Variants in UBR4 observed in about 807,000 individuals in gnomAD.
UBR4 encodes the protein E3 ubiquitin-protein ligase UBR4.
A neutral mutation model predicts 575.6 loss-of-function variants in UBR4; 124 were observed. The ratio of observed to expected loss-of-function variants is 0.22; its 90% CI spans 0.19 to 0.25. The LOEUF is 0.25. Among genes scored for constraint, UBR4 ranks in the 10% least tolerant of loss-of-function variants. The pLI, the probability that UBR4 is intolerant of heterozygous loss-of-function variation, is 1.00. For synonymous variants in UBR4, 2,455 were observed against 2,473.7 expected, an observed-to-expected ratio of 0.99 and a Z score of 0.22; for missense variants, 4,818 against 6,478.8, an observed-to-expected ratio of 0.74 and a Z score of 8.80.
At chr1:19,188,540 T>C (rs1444372350) in intron 11 of UBR4, among the ~76,000 whole-genome samples, 1 of 152,090 alleles carries the variant, frequency 6.6e-6, no homozygotes, top group Admixed American at 6.5e-5. Context: ...GGCGATAGAG[T>C]GAGGTTTTGT....
Position 19,197,223 on chromosome 1 carries a change from G to C in UBR4, c.936C>G (p.Thr312=). 2 of 1,614,100 alleles carry C rather than the reference G, an allele frequency of 1.2e-6. No individual in the cohort carries two copies. Among genetic ancestry groups the C allele is most frequent in the Non-Finnish European group, 1.7e-6 (2 of 1,180,020 alleles). ...LVIDVTMALD[T]LSLPVLEPLN... ...GAGGTTCCAACACAGGTAGAGAAAG[G>C]GTATCCAATGCCATAGTTACATCAA... Residue 312 remains threonine, a synonymous_variant, in exon 8 of 106, where the codon ACC becomes ACG. Transcript: ENST00000375254.
intron 26 of UBR4, among the ~76,000 whole-genome samples, chr1:19,170,425 G>A (rs1242532636): frequency 6.6e-6 from 1 of 152,156 alleles, no homozygotes; most frequent in East Asian, 1.9e-4. Context: ...GTGGGGAGGG[G>A]AGGGGAGGAG....
chr1:19,192,169 T>C lies in UBR4; in HGVS notation c.1394+19A>G. 1 of 1,600,708 alleles carries C rather than the reference T, an allele frequency of 6.2e-7. No individual in the cohort carries two copies. The highest frequency in any genetic ancestry group is 8.5e-7 in the Non-Finnish European group (1 of 1,174,636). On this transcript the variant is annotated intron_variant, in intron 11 of 105. Coordinates refer to ENST00000375254, the MANE Select transcript of UBR4 (RefSeq NM_020765.3). ...GCGAAATAAAACAAAATATAAGTTA[T>C]AATCAAGTAGACACATACCCTTTTC...
Position 19,112,958 on chromosome 1 carries a change from T to C in UBR4, c.11458-91A>G, listed in dbSNP as rs1000541703. 7.0e-6 allele frequency: 9 copies of C among 1,294,802 alleles called. No individual in the cohort carries two copies. The African/African-American group carries it at 1.3e-4, about 19-fold the overall frequency. 80.2% of individuals were successfully genotyped at this position (1,294,802 alleles called of 1,614,324 possible). A position where few individuals can be genotyped will look rare whatever the true frequency, so the allele number is the denominator to read the frequency against. On this transcript the variant is annotated intron_variant, in intron 77 of 105. Coordinates refer to ENST00000375254, the MANE Select transcript of UBR4 (RefSeq NM_020765.3). Reference sequence around the variant, plus strand: ...AAATTAGTTTTGCTTTAGAAAAAACTTTACATGCATTATATAACTTAATCT... The same window carrying C: ...AAATTAGTTTTGCTTTAGAAAAAACCTTACATGCATTATATAACTTAATCT...
intron 21 of UBR4, 86 bp from the exon 22 acceptor site, chr1:19,174,533 T>A: frequency 6.7e-7 from 1 of 1,502,152 alleles, no homozygotes; most frequent in Non-Finnish European, 8.9e-7. Context: ...ATCCTCATGA[T>A]TGACAAAATA....
intron 105 of UBR4, 136 bp from the exon 106 acceptor site, chr1:19,075,032 G>T: frequency 1.2e-6 from 1 of 856,370 alleles, no homozygotes; most frequent in Non-Finnish European, 1.9e-6. Context: ...CTGGACAGCA[G>T]CATGACCGGG....
At position 19,081,436 on chromosome 1, in the gene UBR4, TCAGGGGG is replaced by T; in HGVS notation, c.15139_15145del (p.Pro5047SerfsTer16). 1 of 1,613,928 alleles carries T rather than the reference TCAGGGGG, an allele frequency of 6.2e-7. No homozygotes were observed. The highest frequency in any genetic ancestry group is 8.5e-7 in the Non-Finnish European group (1 of 1,179,996). The stretch of plus-strand genomic sequence containing the variant: ...TTCCACACGTGTGGCTCTCCACTGC[TCAGGGGG>T]CAGGATGTGAAGGGCCAAGACTGTG... On this transcript the variant is annotated frameshift_variant, in exon 103 of 106. Transcript: ENST00000375254. LOFTEE classifies it high-confidence loss of function.
chr1:19,153,694 G>T lies in UBR4; in HGVS notation c.6630+74C>A, dbSNP rs1355757045. On this transcript the variant is annotated intron_variant, in intron 45 of 105. Coordinates refer to ENST00000375254, the MANE Select transcript of UBR4 (RefSeq NM_020765.3). This position sits in a 1 kb window ranked among gnomAD's most constrained non-coding sequence, Gnocchi z 4.1. ...GGCCTCCATTGAAAGAGCTGGGAAA[G>T]TGAAATGAATATACAAACATAAAAA... is the stretch of plus-strand genomic sequence containing the variant. 1 of 1,541,640 alleles carries T rather than the reference G, an allele frequency of 6.5e-7. No homozygotes were observed. The highest frequency in any genetic ancestry group is 8.7e-7 in the Non-Finnish European group (1 of 1,145,522).
At position 19,093,380 on chromosome 1, in the gene UBR4, T is replaced by C; in HGVS notation, c.14044A>G (p.Ile4682Val). 1 of 1,614,224 alleles carries C rather than the reference T, an allele frequency of 6.2e-7. No homozygotes were observed. The highest frequency in any genetic ancestry group is 8.5e-7 in the Non-Finnish European group (1 of 1,180,040). The change falls in exon 96 of 106, where the codon ATT (isoleucine) becomes GTT (valine). Residue 4682 changes from isoleucine to valine, a missense_variant. Around this residue, in one of 29 missense-constraint regions of UBR4, gnomAD observed 165 missense variants for 282.3 expected, o/e 0.58. Coordinates refer to ENST00000375254, the MANE Select transcript of UBR4 (RefSeq NM_020765.3). The surrounding 1 kb of genome is among the most constrained non-coding windows in gnomAD (Gnocchi z 4.8). ...TTCTGGGTGATCCCCTTCTGGAGAA[T>C]CAGATCCTTCAGCTGGTGCCCATTG... ...NSNGHQLKDLILQKGITQNAL... is the reference protein window; with the variant it reads ...NSNGHQLKDLVLQKGITQNAL...
At chr1:19,098,972 G>A (rs2078338828) in intron 90 of UBR4, among the ~76,000 whole-genome samples, 1 of 152,160 alleles carries the variant, frequency 6.6e-6, no homozygotes, top group South Asian at 2.1e-4. Context: ...GAAACAGGAA[G>A]AGAGGAATGG....
At chr1:19,105,244 C>T in intron 84 of UBR4, 55 bp from the exon 85 acceptor site, 1 of 1,559,330 alleles carries the variant, frequency 6.4e-7, no homozygotes, top group Non-Finnish European at 8.7e-7. Context: ...TTTCGAACAG[C>T]TCCAAGGCTC....
At position 19,158,034 on chromosome 1, in the gene UBR4, G is replaced by A. The variant is rs1484478691; in HGVS notation, c.5578-37C>T. 5 of 1,589,086 alleles carry A rather than the reference G, an allele frequency of 3.1e-6. No homozygotes were observed. The African/African-American group carries it at 4.0e-5, about 13-fold the overall frequency. ...GGAAGCAGAGAAAGTGGGCAGTAAT[G>A]AGGCAAATAAAATCAAGTGGATTCA... On this transcript the variant is annotated intron_variant, in intron 39 of 105. Transcript: ENST00000375254.
In UBR4 at chr1:19,097,267, C is replaced by T. The variant is rs370385454; in HGVS notation, c.13316G>A (p.Arg4439Lys). 1 of 1,613,448 alleles carries T rather than the reference C, an allele frequency of 6.2e-7. No individual in the cohort carries two copies. Among genetic ancestry groups the T allele is most frequent in the Non-Finnish European group, 8.5e-7 (1 of 1,179,746 alleles). The change falls in exon 91 of 106, where the codon AGG becomes AAG. Residue 4439 changes from arginine to lysine, a missense_variant. Coordinates refer to ENST00000375254, the MANE Select transcript of UBR4 (RefSeq NM_020765.3). ...WCTTNEGEPM[R>K]IVYRMRGLLG... ...CAGCCCCCGCATACGATAAACAATC[C>T]TCATGGGCTCTCCCTGAGCAGAGAA...
intron 17 of UBR4, among the ~76,000 whole-genome samples, chr1:19,181,835 T>C (rs1040487857): frequency 6.6e-6 from 1 of 152,240 alleles, no homozygotes; most frequent in Admixed American, 6.5e-5. Flanking sequence ...TCAACCATTT[T>C]TACATGAACA....
Position 19,168,905 on chromosome 1 carries a change from G to A in UBR4, c.3741+530C>T, listed in dbSNP as rs566336656. 6.6e-5 allele frequency among the ~76,000 whole-genome samples: 10 copies of A among 151,910 alleles called. No individual in the cohort carries two copies. The South Asian group carries it at 1.5e-3, about 22-fold the overall frequency. On this transcript the variant is annotated intron_variant, in intron 27 of 105. Transcript: ENST00000375254. ...AGGCAGGAGAATGGTGTGAACCCGG[G>A]AGGCGGAGCTTGCAGTGAGCCGAGA...
chr1:19,112,574 C>A lies in UBR4; in HGVS notation c.11751G>T (p.Gly3917=), dbSNP rs772144502. The part of the protein sequence containing the change: ...RELFDYNLRR[G]AAAMREEVRQ... ...GGACCTCCTCCCGCATGGCCGCAGC[C>A]CCTCGGCGAAGATTATAATCAAAGA... The change falls in exon 78 of 106, where the codon GGG becomes GGT. Residue 3917 remains glycine (G), a synonymous_variant. Transcript: ENST00000375254. The A allele has an allele frequency of 2.5e-6, 4 of 1,614,160 alleles. No homozygotes were observed. In the Admixed American group the frequency reaches 6.7e-5, roughly 27 times the overall value.
At position 19,112,624 on chromosome 1, in the gene UBR4, C is replaced by T; in HGVS notation, c.11701G>A (p.Val3901Ile). The T allele has an allele frequency of 6.2e-7, 1 of 1,614,244 alleles. No individual in the cohort carries two copies. Among genetic ancestry groups the T allele is most frequent in the East Asian group, 2.2e-5 (1 of 44,888 alleles). The change falls in exon 78 of 106, where the codon GTC becomes ATC. Residue 3901 changes from valine (V) to isoleucine (I), a missense_variant. By Grantham distance (29) the Val-to-Ile change is conservative. Transcript: ENST00000375254. Reference sequence around the variant, plus strand: ...AGCTCCCGGATAAGGCCCTGGGAGACAAGGATGTGCCTCAAGGCTGGGTTG... The same window carrying T: ...AGCTCCCGGATAAGGCCCTGGGAGATAAGGATGTGCCTCAAGGCTGGGTTG... ...ATNPALRHIL[V>I]SQGLIRELFD...
chr1:19,112,446 G>A, intron 78 of UBR4, 78 bp downstream of exon 78: 1 of 1,480,798 alleles, frequency 6.8e-7, no homozygotes, highest in Middle Eastern at 1.8e-4. Context: ...ACTATTCTGT[G>A]CACTCTCTAA....
chr1:19,099,690 G>A lies in UBR4; in HGVS notation c.13222-13C>T. 6.2e-7 allele frequency: 1 copy of A among 1,608,206 alleles called. No homozygotes were observed. Among genetic ancestry groups the A allele is most frequent in the Non-Finnish European group, 8.5e-7 (1 of 1,176,810 alleles). The stretch of plus-strand genomic sequence containing the variant: ...TGTTCACTAGAAGCTGAACAGAAAA[G>A]CAGGTGAAGCTGTTGTTCCAAATAA... On this transcript the variant is annotated splice_polypyrimidine_tract_variant and intron_variant, in intron 89 of 105. Coordinates refer to ENST00000375254, the MANE Select transcript of UBR4 (RefSeq NM_020765.3).
Sources: allele counts gnomAD v4.1 joint callset (sites outside exome capture counted in the v4.1 genomes callset), GRCh38; gene constraint gnomAD v4.1.1; regional missense constraint gnomAD v4.1.1; non-coding constraint Gnocchi (gnomAD v3.1); transcripts MANE v1.5; gene names NCBI Gene and HGNC (gene_info 2026-07-23, HGNC 2026-07-21).